SCARB1: variants seen among roughly 807,000 people sequenced by gnomAD.
SCARB1 encodes scavenger receptor class B member 1, also known as CD36 and LIMPII analogous 1.
A neutral mutation model predicts 57.2 loss-of-function variants in SCARB1; 30 were observed. That is an observed-to-expected ratio of 0.52 (90% CI 0.39 to 0.71). The LOEUF (loss-of-function observed/expected upper bound fraction) is 0.71. Among genes scored for constraint, SCARB1 ranks in the 30% least tolerant of loss-of-function variants. SCARB1 has a pLI of 0.00. For synonymous variants in SCARB1, 249 were observed against 268.3 expected (o/e 0.93, Z 0.70); for missense variants, 543 against 671.2 (o/e 0.81, Z 2.11).
chr12:124,794,075 A>G (rs1305642867), intron 9 of SCARB1, among the ~76,000 whole-genome samples: 34 of 152,254 alleles, frequency 2.2e-4, no homozygotes, highest in Admixed American at 2.2e-3. Flanking sequence ...TTCCATTTAT[A>G]TGAAATGCCC....
chr12:124,794,272 A>G (rs549979868), intron 9 of SCARB1, among the ~76,000 whole-genome samples: 3 of 152,144 alleles, frequency 2.0e-5, no homozygotes, highest in African/African-American at 7.2e-5. Flanking sequence ...GCATTTTATT[A>G]GGGGGGTTAT....
In SCARB1 at chr12:124,812,638, G is replaced by A. The variant is rs761729179; in HGVS notation, c.631-673C>T. Among the ~76,000 whole-genome samples, 15 of 152,230 alleles carry A rather than the reference G, an allele frequency of 9.9e-5. No individual in the cohort carries two copies. Among genetic ancestry groups the A allele is most frequent in the Non-Finnish European group, 1.5e-4 (10 of 68,032 alleles). ...CTCCGAGAGCATTTCCCAGAAGCTG[G>A]TTTCTAATCCCAAAGACATGCAAAG... On this transcript the variant is annotated intron_variant, in intron 4 of 12. Transcript: ENST00000261693. This position sits in a 1 kb window ranked among gnomAD's most constrained non-coding sequence, Gnocchi z 4.3.
intron 1 of SCARB1, among the ~76,000 whole-genome samples, chr12:124,841,392 G>C (rs1364925238): frequency 6.8e-6 from 1 of 146,210 alleles, no homozygotes; most frequent in Non-Finnish European, 1.5e-5. Context: ...AAAAAAAAGA[G>C]AATTGCTTGA....
chr12:124,860,549 T>C (rs1162318404), intron 1 of SCARB1, among the ~76,000 whole-genome samples: 1 of 152,106 alleles, frequency 6.6e-6, no homozygotes, highest in Non-Finnish European at 1.5e-5. Flanking sequence ...ATGGCAGAGA[T>C]AGGGGAAGTA....
At position 124,807,728 on chromosome 12, in the gene SCARB1, T is replaced by A. The variant is rs1010600855; in HGVS notation, c.1009+33A>T. The stretch of plus-strand genomic sequence containing the variant: ...CTCAGCTGGCCCCACCCTCACACCC[T>A]CCCGCCATCCCAGCACAGGGGACGG... On this transcript the variant is annotated intron_variant, in intron 7 of 12. Transcript: ENST00000261693. This position sits in a 1 kb window ranked among gnomAD's most constrained non-coding sequence, Gnocchi z 5.3. 1.9e-6 allele frequency: 3 copies of A among 1,611,628 alleles called. No homozygotes were observed. Among genetic ancestry groups the A allele is most frequent in the Non-Finnish European group, 2.5e-6 (3 of 1,178,394 alleles).
At position 124,845,471 on chromosome 12, in the gene SCARB1, T is replaced by G. The variant is rs142928120; in HGVS notation, c.126+18124A>C. ...ACACTTTGGGACCGAGGCAGGTGTT[T>G]GACCTGAGGTCAGGAGTTTGAGACC... On this transcript the variant is annotated intron_variant, in intron 1 of 12. Coordinates refer to ENST00000261693, the MANE Select transcript of SCARB1 (RefSeq NM_005505.5). 1.5e-3 allele frequency among the ~76,000 whole-genome samples: 216 copies of G among 146,770 alleles called. 3 individuals are homozygous for G. In the East Asian group the frequency reaches 0.035, roughly 23 times the overall value.
chr12:124,787,378 C>T (rs1949562497), intron 10 of SCARB1, 28 bp downstream of exon 10: 2 of 1,611,622 alleles, frequency 1.2e-6, no homozygotes, highest in South Asian at 1.1e-5. Flanking sequence ...AACAAAAGCC[C>T]CCGACGCTGT....
intron 6 of SCARB1, 80 bp from the exon 7 acceptor site, chr12:124,808,007 C>G: frequency 1.4e-6 from 2 of 1,422,034 alleles, no homozygotes; most frequent in South Asian, 1.2e-5. Context: ...TGCCCAGATC[C>G]AGCCACTTCT....
At chr12:124,788,151 G>A (rs1949588749) in intron 9 of SCARB1, among the ~76,000 whole-genome samples, 1 of 152,162 alleles carries the variant, frequency 6.6e-6, no homozygotes, top group South Asian at 2.1e-4. Flanking sequence ...GGCATGGGCT[G>A]AGGGAACCAG....
At chr12:124,848,143 G>A (rs1214607528) in intron 1 of SCARB1, among the ~76,000 whole-genome samples, 1 of 152,200 alleles carries the variant, frequency 6.6e-6, no homozygotes, top group Non-Finnish European at 1.5e-5. Flanking sequence ...GAGTGCAGTG[G>A]CACGATCTCG....
In SCARB1 at chr12:124,863,562, G is replaced by A. The variant is rs375957040; in HGVS notation, c.126+33C>T. 9 of 1,592,150 alleles carry A rather than the reference G, an allele frequency of 5.7e-6. No individual in the cohort carries two copies. The African/African-American group carries it at 1.1e-4, about 19-fold the overall frequency. On this transcript the variant is annotated intron_variant, in intron 1 of 12. Transcript: ENST00000261693. ...GCCCAGCGCCCAACAGCCCGGGTCC[G>A]TGCGCGGACCCCCTGGGGTCTCCCT...
In SCARB1 at chr12:124,800,006, A is replaced by G; in HGVS notation, c.1128+118T>C. ...GAACTTTGGTGGCTCGAGATTCTAG[A>G]AGCCAGGCTTCCCACCACCCCAGCC... On this transcript the variant is annotated intron_variant, in intron 8 of 12. Coordinates refer to ENST00000261693, the MANE Select transcript of SCARB1 (RefSeq NM_005505.5). The surrounding 1 kb of genome is among the most constrained non-coding windows in gnomAD (Gnocchi z 4.8). 1 of 797,986 alleles carries G rather than the reference A, an allele frequency of 1.3e-6. No homozygotes were observed. The highest frequency in any genetic ancestry group is 2.2e-6 in the Non-Finnish European group (1 of 451,568). 49.4% of individuals were successfully genotyped at this position (797,986 alleles called of 1,614,324 possible). A position where few individuals can be genotyped will look rare whatever the true frequency, so the allele number is the denominator to read the frequency against.
At chr12:124,848,407 T>C (rs1161540817) in intron 1 of SCARB1, among the ~76,000 whole-genome samples, 1 of 152,154 alleles carries the variant, frequency 6.6e-6, no homozygotes, top group Non-Finnish European at 1.5e-5. Flanking sequence ...AATGAACAAC[T>C]ATGACAAAAA....
At chr12:124,805,077 C>T (rs1438158375) in intron 7 of SCARB1, among the ~76,000 whole-genome samples, 1 of 150,866 alleles carries the variant, frequency 6.6e-6, no homozygotes, top group Non-Finnish European at 1.5e-5. Context: ...GAATAAAATC[C>T]ACAGTCCATG....
chr12:124,826,610 AT>A (rs1031549332), intron 1 of SCARB1, among the ~76,000 whole-genome samples: 6 of 147,336 alleles, frequency 4.1e-5, no homozygotes, highest in Non-Finnish European at 9.2e-5. Context: ...ACGCCCGGCT[AT>A]TTTTTTATTT....
intron 9 of SCARB1, 130 bp downstream of exon 9, chr12:124,795,065 C>A: frequency 1.2e-6 from 1 of 812,028 alleles, no homozygotes; most frequent in South Asian, 1.4e-5. Flanking sequence ...GGATTCCACC[C>A]CCAATAGGAC....
At chr12:124,824,172 T>C (rs1382668119) in intron 1 of SCARB1, among the ~76,000 whole-genome samples, 1 of 32,460 alleles carries the variant, frequency 3.1e-5, no homozygotes, top group Admixed American at 3.0e-4. Flanking sequence ...CGAGATTTCA[T>C]CTCAAAAAAA....
At chr12:124,787,868 C>T (rs1037509201) in intron 9 of SCARB1, among the ~76,000 whole-genome samples, 5 of 152,140 alleles carry the variant, frequency 3.3e-5, no homozygotes, top group African/African-American at 1.2e-4. Flanking sequence ...TGATTTCTGC[C>T]ATTTCTTACC....
chr12:124,809,242 G>A (rs546259035), intron 6 of SCARB1, among the ~76,000 whole-genome samples: 8 of 152,130 alleles, frequency 5.3e-5, no homozygotes, highest in Admixed American at 1.3e-4. Context: ...AAGGGGAGAC[G>A]GGGGCCACTT....
Sources: gnomAD v4.1 joint callset for allele counts (sites outside exome capture counted in the v4.1 genomes callset) on GRCh38, gnomAD v4.1.1 for gene constraint, Gnocchi (gnomAD v3.1) non-coding constraint, MANE v1.5 for transcripts, NCBI Gene and HGNC (gene_info 2026-07-23, HGNC 2026-07-21) for gene names.